Variants in TENM3 observed in about 807,000 individuals in gnomAD.
TENM3 encodes the protein teneurin-3.
TENM3 carries 63 observed loss-of-function variants against 255.1 expected under a neutral mutation model. That is an observed-to-expected ratio of 0.25 (90% CI 0.20 to 0.30). The LOEUF is 0.30. Among genes scored for constraint, TENM3 ranks in the 10% least tolerant of loss-of-function variants. The pLI is 1.00. For synonymous variants in TENM3, 1,306 were observed against 1,322.3 expected, an observed-to-expected ratio of 0.99 and a Z score of 0.27; for missense variants, 2,929 against 3,461.1, an observed-to-expected ratio of 0.85 and a Z score of 3.86.
At chr4:182,798,382 A>G (rs4365766) in intron 27 of TENM3, among the ~76,000 whole-genome samples, 59,364 of 152,086 alleles carry the variant, frequency 0.39, 13,178 homozygotes, top group African/African-American at 0.62. Flanking sequence ...GTTGCCTGCA[A>G]TATTCAGTAC....
the TENM3 span, among the ~76,000 whole-genome samples, chr4:182,112,008 G>A: frequency 6.6e-6 from 1 of 151,972 alleles, no homozygotes; most frequent in Non-Finnish European, 1.5e-5. Context: ...AAAAATTACT[G>A]GCTGGAAAGG....
the TENM3 span, among the ~76,000 whole-genome samples, chr4:181,630,793 G>A: frequency 6.6e-6 from 1 of 152,186 alleles, no homozygotes; most frequent in Non-Finnish European, 1.5e-5. Flanking sequence ...GTGATGTGGT[G>A]CTGAGAAGAA....
the TENM3 span, among the ~76,000 whole-genome samples, chr4:181,501,595 C>G: frequency 3.2e-4 from 49 of 152,058 alleles, 1 homozygote; most frequent in South Asian, 6.2e-4. Flanking sequence ...GGCCAGGCTG[C>G]TCTCGAATTC....
At chr4:182,528,636 A>G (rs1739469831) in intron 3 of TENM3, among the ~76,000 whole-genome samples, 1 of 152,198 alleles carries the variant, frequency 6.6e-6, no homozygotes, top group Non-Finnish European at 1.5e-5. Context: ...TAAATTATGC[A>G]TTAAACAAAC....
chr4:181,515,849 T>C, the TENM3 span, among the ~76,000 whole-genome samples: 32 of 152,148 alleles, frequency 2.1e-4, no homozygotes, highest in Non-Finnish European at 4.3e-4. Context: ...TTACTGGGAA[T>C]ATACCAAAGG....
chr4:182,253,895 ACT>A (rs1179718696), intron 1 of TENM3, among the ~76,000 whole-genome samples: 1 of 152,108 alleles, frequency 6.6e-6, no homozygotes, highest in East Asian at 1.9e-4. Flanking sequence ...CAAAAAGTAA[ACT>A]CTGAAAGAAA....
At chr4:182,695,088 G>A (rs1757299271) in intron 12 of TENM3, among the ~76,000 whole-genome samples, 1 of 152,080 alleles carries the variant, frequency 6.6e-6, no homozygotes, top group South Asian at 2.1e-4. Context: ...TAGATTTTAA[G>A]TCACATTTTG....
the TENM3 span, among the ~76,000 whole-genome samples, chr4:181,612,268 TA>T: frequency 1.3e-5 from 2 of 152,200 alleles, no homozygotes; most frequent in East Asian, 3.9e-4. Flanking sequence ...CTAGTGTTAA[TA>T]ATCATCTTTC....
the TENM3 span, among the ~76,000 whole-genome samples, chr4:181,908,740 T>A: frequency 6.6e-6 from 1 of 152,192 alleles, no homozygotes. Context: ...GTAGGAAGTT[T>A]AATTTTTCGT....
At chr4:181,518,690 G>A in the TENM3 span, among the ~76,000 whole-genome samples, 1 of 152,160 alleles carries the variant, frequency 6.6e-6, no homozygotes, top group African/African-American at 2.4e-5. Flanking sequence ...GCCTCCTAAA[G>A]TGTTGGGATT....
intron 3 of TENM3, among the ~76,000 whole-genome samples, chr4:182,402,666 G>T (rs939607429): frequency 3.9e-5 from 6 of 152,086 alleles, no homozygotes; most frequent in South Asian, 2.1e-4. Flanking sequence ...TGTGGGTAAA[G>T]CTTCCTGTTT....
At chr4:182,171,815 T>C (rs1561164795) in intron 1 of TENM3, among the ~76,000 whole-genome samples, 1 of 152,222 alleles carries the variant, frequency 6.6e-6, no homozygotes, top group Non-Finnish European at 1.5e-5. Context: ...GACTATTAAA[T>C]AGTTTAAAAT....
At chr4:181,815,378 C>A in the TENM3 span, among the ~76,000 whole-genome samples, 2 of 149,126 alleles carry the variant, frequency 1.3e-5, no homozygotes, top group African/African-American at 2.5e-5. Flanking sequence ...AGAAGAATTG[C>A]TTGAAACCTG....
chr4:181,679,704 T>G, the TENM3 span, among the ~76,000 whole-genome samples: 1 of 152,164 alleles, frequency 6.6e-6, no homozygotes, highest in Non-Finnish European at 1.5e-5. Flanking sequence ...ACTTTCATAA[T>G]GTATGACAAG....
At chr4:182,487,201 A>G (rs1252702814) in intron 3 of TENM3, among the ~76,000 whole-genome samples, 1 of 152,196 alleles carries the variant, frequency 6.6e-6, no homozygotes, top group Non-Finnish European at 1.5e-5. Flanking sequence ...TGACTGCTGC[A>G]AACTAGTGTT....
chr4:182,675,446 C>T (rs905233781), intron 7 of TENM3, among the ~76,000 whole-genome samples: 1 of 151,592 alleles, frequency 6.6e-6, no homozygotes, highest in Non-Finnish European at 1.5e-5. Flanking sequence ...GAGGCTGAGG[C>T]AGGAGAATTG....
the TENM3 span, among the ~76,000 whole-genome samples, chr4:181,780,771 T>C: frequency 6.6e-6 from 1 of 152,192 alleles, no homozygotes; most frequent in Non-Finnish European, 1.5e-5. Flanking sequence ...AGGTCTAACA[T>C]TTAAGTCTTT....
the TENM3 span, among the ~76,000 whole-genome samples, chr4:181,580,786 C>T: frequency 6.6e-6 from 1 of 152,118 alleles, no homozygotes; most frequent in South Asian, 2.1e-4. Flanking sequence ...CAGGAAATGA[C>T]CCAGACTTGG....
the TENM3 span, among the ~76,000 whole-genome samples, chr4:181,615,404 G>A: frequency 2.6e-5 from 4 of 151,972 alleles, no homozygotes; most frequent in Non-Finnish European, 4.4e-5. Flanking sequence ...AATATCCCAC[G>A]CCCGTTCAAC....
Sources: gnomAD v4.1 joint callset for allele counts (sites outside exome capture counted in the v4.1 genomes callset) on GRCh38, gnomAD v4.1.1 for gene constraint, MANE v1.5 for transcripts, NCBI Gene and HGNC (gene_info 2026-07-23, HGNC 2026-07-21) for gene names.